Variants in SMYD5 observed in about 807,000 individuals in gnomAD.
SMYD5 encodes protein-lysine N-trimethyltransferase SMYD5.
SMYD5 carries 35 observed loss-of-function variants against 57.4 expected under a neutral mutation model. That is an observed-to-expected ratio of 0.61 (90% CI 0.47 to 0.81). SMYD5 has a LOEUF of 0.81. SMYD5 is among the 30% of genes least tolerant of loss of function. The probability of loss-of-function intolerance (pLI) is 0.00; values close to 1 mark genes in which losing one functional copy is unlikely to be tolerated. For missense variants in SMYD5, 471 were observed against 527.9 expected (o/e 0.89, Z 1.06); for synonymous variants, 198 against 189.7 (o/e 1.04, Z -0.36).
chr2:73,220,744 C>T lies in SMYD5; in HGVS notation c.429C>T (p.Asp143=). The change falls in exon 4 of 13, where the codon GAC becomes GAT. Residue 143 remains aspartate, a synonymous_variant. Coordinates refer to ENST00000389501, the MANE Select transcript of SMYD5 (RefSeq NM_006062.3). ...TGTGCCCAGGCCCCTCCCAGGATGA[C>T]CCCTTGCATCCTCTCAATAAGCTTC... is the stretch of plus-strand genomic sequence containing the variant. The part of the protein sequence containing the change: ...QVLCPGPSQD[D]PLHPLNKLQE... The T allele has an allele frequency of 6.2e-7, 1 of 1,614,006 alleles. No homozygotes were observed. The highest frequency in any genetic ancestry group is 2.2e-5 in the East Asian group (1 of 44,872).
rs199578713 is a variant in SMYD5 at position 73,223,959 on chromosome 2, T to G, written c.896T>G (p.Phe299Cys). The change falls in exon 10 of 13, where the codon TTT becomes TGT. Residue 299 changes from phenylalanine to cysteine, a missense_variant. By Grantham distance (205) the Phe-to-Cys change is radical. Coordinates refer to ENST00000389501, the MANE Select transcript of SMYD5 (RefSeq NM_006062.3). The stretch of plus-strand genomic sequence containing the variant: ...TACTGTCTTACAGCAACTGGAGAGT[T>G]TCTTAACTGTGAAGGATCTGGCCTC... ...YKDIEAATGE[F>C]LNCEGSGLFV... 1.2e-6 allele frequency: 2 copies of G among 1,613,956 alleles called. No individual in the cohort carries two copies. The highest frequency in any genetic ancestry group is 2.7e-5 in the African/African-American group (2 of 74,904).
intron 1 of SMYD5, among the ~76,000 whole-genome samples, chr2:73,216,229 G>A (rs1686290849): frequency 1.3e-5 from 2 of 152,172 alleles, no homozygotes; most frequent in Non-Finnish European, 2.9e-5. Flanking sequence ...CTTATTGTGG[G>A]CTTTCTTCTT....
chr2:73,214,903 A>G (rs1686264612), intron 1 of SMYD5: 2 of 893,538 alleles, frequency 2.2e-6, no homozygotes, highest in Admixed American at 6.2e-5. Flanking sequence ...CCAAAAGTTC[A>G]TTGTAGAAAA....
At position 73,220,138 on chromosome 2, in the gene SMYD5, C is replaced by T; in HGVS notation, c.293C>T (p.Pro98Leu). ...TGKPGQVLPH[P>L]ELCTVRKDLH... ...AAACCAGGCCAGGTTCTGCCTCACC[C>T]AGAGCTGTGCACTGTGCGCAAAGAC... is the stretch of plus-strand genomic sequence containing the variant. The change falls in exon 3 of 13, where the codon CCA becomes CTA. Residue 98 changes from proline to leucine, a missense_variant. Coordinates refer to ENST00000389501, the MANE Select transcript of SMYD5 (RefSeq NM_006062.3). 1 of 1,614,182 alleles carries T rather than the reference C, an allele frequency of 6.2e-7. No homozygotes were observed. The highest frequency in any genetic ancestry group is 8.5e-7 in the Non-Finnish European group (1 of 1,180,044).
At chr2:73,214,571 G>A (rs368768416) in intron 1 of SMYD5, 5 of 1,495,032 alleles carry the variant, frequency 3.3e-6, no homozygotes, top group African/African-American at 1.4e-5. Context: ...CGGAGTCTCC[G>A]TGCGCATTTC....
At chr2:73,224,985 G>T in intron 11 of SMYD5, 25 bp downstream of exon 11, 1 of 1,582,384 alleles carries the variant, frequency 6.3e-7, no homozygotes. Context: ...GAACCGTCGG[G>T]ATGGGTGGGC....
chr2:73,216,205 G>A (rs899415811), intron 1 of SMYD5, among the ~76,000 whole-genome samples: 6 of 152,128 alleles, frequency 3.9e-5, no homozygotes, highest in Admixed American at 6.5e-5. Context: ...TGCACTAGCC[G>A]GATAGCAGCA....
chr2:73,219,941 T>C (rs1686352855), intron 2 of SMYD5, 110 bp from the exon 3 acceptor site: 1 of 1,339,270 alleles, frequency 7.5e-7, no homozygotes, highest in Non-Finnish European at 1.1e-6. Flanking sequence ...CAAACCTTTA[T>C]GAAACACTAG....
intron 1 of SMYD5, among the ~76,000 whole-genome samples, chr2:73,216,322 A>C (rs1459217685): frequency 3.3e-5 from 5 of 152,230 alleles, no homozygotes; most frequent in African/African-American, 1.2e-4. Flanking sequence ...TCGGAGGCCA[A>C]GGTGGGCTGA....
In SMYD5 at chr2:73,214,293, C is replaced by T. The variant is rs751853646; in HGVS notation, c.27C>T (p.Phe9=). The change falls in exon 1 of 13, where the codon TTC becomes TTT. Residue 9 remains phenylalanine, a synonymous_variant. Coordinates refer to ENST00000389501, the MANE Select transcript of SMYD5 (RefSeq NM_006062.3). ...TGGCGGCCTCCATGTGCGACGTGTT[C>T]TCCTTCTGCGTGGGCGTGGCGGGCC... MAASMCDV[F]SFCVGVAGRA... 4.6e-5 allele frequency: 75 copies of T among 1,613,930 alleles called. 1 individual carries two copies. In the South Asian group the frequency reaches 7.6e-4, roughly 16 times the overall value.
In SMYD5 at chr2:73,225,684, C is replaced by A. The variant is rs776581130; in HGVS notation, c.1089C>A (p.Ser363Arg). 2 of 1,614,250 alleles carry A rather than the reference C, an allele frequency of 1.2e-6. No homozygotes were observed. Among genetic ancestry groups the A allele is most frequent in the Non-Finnish European group, 1.7e-6 (2 of 1,180,036 alleles). ...GTCAGCGGGAGCGCAGCCGCCACAGCCGCCACAAGATCCTCAGGTGCCAGC... is the reference window on the plus strand; with the variant it reads ...GTCAGCGGGAGCGCAGCCGCCACAGACGCCACAAGATCCTCAGGTGCCAGC... ...DCCQRERSRH[S>R]RHKILRENYL... The change falls in exon 12 of 13, where the codon AGC becomes AGA. Residue 363 changes from serine to arginine, a missense_variant. Transcript: ENST00000389501.
Position 73,218,985 on chromosome 2 carries a change from C to T in SMYD5, c.205+16C>T, listed in dbSNP as rs747221671. On this transcript the variant is annotated intron_variant, in intron 2 of 12. Coordinates refer to ENST00000389501, the MANE Select transcript of SMYD5 (RefSeq NM_006062.3). Reference sequence around the variant, plus strand: ...CGCTACCGAGGTGAGTACATCTCTCCTACTCCTCATGGCCCAGTCGTCTTT... The same window carrying T: ...CGCTACCGAGGTGAGTACATCTCTCTTACTCCTCATGGCCCAGTCGTCTTT... 2.5e-6 allele frequency: 4 copies of T among 1,569,248 alleles called. No individual in the cohort carries two copies. In the South Asian group the frequency reaches 4.4e-5, roughly 17 times the overall value.
chr2:73,220,256 G>T, intron 3 of SMYD5, 66 bp downstream of exon 3: 1 of 1,571,120 alleles, frequency 6.4e-7, no homozygotes, highest in Non-Finnish European at 8.7e-7. Flanking sequence ...GGAGTCCTCA[G>T]TGGGGAGACA....
chr2:73,225,839 G>A lies in SMYD5; in HGVS notation c.1150G>A (p.Glu384Lys), dbSNP rs552822324. 6.2e-7 allele frequency: 1 copy of A among 1,614,214 alleles called. No individual in the cohort carries two copies. The highest frequency in any genetic ancestry group is 8.5e-7 in the Non-Finnish European group (1 of 1,180,032). ...CTGTTCCTGTCCCAAATGCCTGGCA[G>A]AGGCTGATGAACCCAATGTGACCTC... The part of the protein sequence containing the change: ...FVCSCPKCLA[E>K]ADEPNVTSEE... The change falls in exon 13 of 13, where the codon GAG becomes AAG. Residue 384 changes from glutamate (E) to lysine (K), a missense_variant. Transcript: ENST00000389501.
intron 9 of SMYD5, 97 bp from the exon 10 acceptor site, chr2:73,223,850 C>A: frequency 8.8e-7 from 1 of 1,136,670 alleles, no homozygotes; most frequent in South Asian, 1.2e-5. Context: ...GGTGGGGTTG[C>A]AGGACAGTGG....
chr2:73,217,263 A>G (rs1159881996), intron 1 of SMYD5, among the ~76,000 whole-genome samples: 1 of 152,086 alleles, frequency 6.6e-6, no homozygotes, highest in East Asian at 1.9e-4. Flanking sequence ...CCTTAATATT[A>G]TGAGTTAGAG....
chr2:73,221,654 G>A (rs1427065015), intron 5 of SMYD5, among the ~76,000 whole-genome samples, 172 bp from the exon 6 acceptor site: 3 of 152,062 alleles, frequency 2.0e-5, no homozygotes, highest in Admixed American at 2.0e-4. Flanking sequence ...TTGTTGAATT[G>A]GCTATCTTGG....
At chr2:73,215,581 GC>G (rs771054467) in intron 1 of SMYD5, among the ~76,000 whole-genome samples, 6 of 152,152 alleles carry the variant, frequency 3.9e-5, no homozygotes, top group Admixed American at 1.3e-4. Context: ...CAGTTTGAAG[GC>G]CTCTCAGTTC....
intron 11 of SMYD5, chr2:73,225,427 G>A (rs1352639909): frequency 4.6e-6 from 3 of 655,762 alleles, no homozygotes; most frequent in African/African-American, 1.8e-5. Context: ...CTCTGTCTCA[G>A]GCACAGGCTG....
Sources: gnomAD v4.1 joint callset for allele counts (sites outside exome capture counted in the v4.1 genomes callset) on GRCh38, gnomAD v4.1.1 for gene constraint, MANE v1.5 for transcripts, NCBI Gene and HGNC (gene_info 2026-07-23, HGNC 2026-07-21) for gene names.